The following SPO11 variants were observed in gnomAD, a reference collection of about 807,000 sequenced individuals.
The protein encoded by SPO11 is meiotic recombination protein SPO11.
SPO11 carries 49 observed loss-of-function variants against 51.6 expected under a neutral mutation model. That is an observed-to-expected ratio of 0.95 (90% CI 0.75 to 1.20). SPO11 has a LOEUF of 1.20. Ranked by LOEUF, SPO11 falls within the 50% of genes most tolerant of loss-of-function variation. The pLI is 0.00. For missense variants in SPO11, 431 were observed against 473.4 expected (o/e 0.91, Z 0.83); for synonymous variants, 176 against 158.2 (o/e 1.11, Z -0.84).
intron 1 of SPO11, 65 bp downstream of exon 1, chr20:57,330,063 C>T: frequency 6.7e-7 from 1 of 1,490,674 alleles, no homozygotes; most frequent in Non-Finnish European, 8.9e-7. Flanking sequence ...CTCTTCCTGG[C>T]CCCGGGCTGC....
intron 11 of SPO11, 24 bp from the exon 12 acceptor site, chr20:57,342,704 AT>A (rs776273934): frequency 2.7e-6 from 4 of 1,490,732 alleles, no homozygotes; most frequent in African/African-American, 2.8e-5. Context: ...TTTTTTACTG[AT>A]TTTTTTCACC....
At position 57,329,852 on chromosome 20, in the gene SPO11, GC is replaced by G. The variant is rs777662976; in HGVS notation, c.-15del. The G allele has an allele frequency of 2.1e-5, 34 of 1,605,664 alleles. No homozygotes were observed. In the South Asian group the frequency reaches 3.7e-4, roughly 18 times the overall value. On this transcript the variant is annotated 5_prime_UTR_variant, in exon 1 of 13. Coordinates refer to ENST00000371263, the MANE Select transcript of SPO11 (RefSeq NM_012444.3). ...AGGACAGGGGCTTCTGGAGCTTCTG[GC>G]AGCCGTCTGCCCTCATGGCCTTTGC... is the stretch of plus-strand genomic sequence containing the variant.
intron 1 of SPO11, 104 bp downstream of exon 1, chr20:57,330,102 C>T: frequency 1.4e-6 from 2 of 1,407,274 alleles, no homozygotes; most frequent in Non-Finnish European, 1.9e-6. Context: ...AGGAGGCACC[C>T]CTTGGCGGGC....
intron 11 of SPO11, among the ~76,000 whole-genome samples, chr20:57,342,188 TAA>T (rs781775114): frequency 6.8e-6 from 1 of 147,524 alleles, no homozygotes; most frequent in Non-Finnish European, 1.5e-5. Context: ...TGTAAAGTGA[TAA>T]AAGTGTGTGT....
intron 7 of SPO11, 109 bp from the exon 8 acceptor site, chr20:57,335,689 A>C: frequency 5.4e-6 from 4 of 736,116 alleles, no homozygotes; most frequent in South Asian, 3.7e-5. Flanking sequence ...GGTACAAACT[A>C]AAATGTTGTA....
intron 10 of SPO11, 66 bp from the exon 11 acceptor site, chr20:57,340,036 G>GA (rs1209710518): frequency 2.6e-5 from 30 of 1,137,502 alleles, no homozygotes; most frequent in Non-Finnish European, 4.0e-5. Flanking sequence ...AAATTTGACT[G>GA]AAAAACAAGA....
rs764206819 is a variant in SPO11, at chr20:57,339,041, G to A, written c.882+15G>A. The stretch of plus-strand genomic sequence containing the variant: ...ATGGATCTATGGTAAGTATAGAAAA[G>A]CAGTTTTCCTTTTTTATTATTTAGA... On this transcript the variant is annotated intron_variant, in intron 10 of 12. Transcript: ENST00000371263. 7.0e-7 allele frequency: 1 copy of A among 1,436,624 alleles called. No individual in the cohort carries two copies. Among genetic ancestry groups the A allele is most frequent in the East Asian group, 2.4e-5 (1 of 41,390 alleles). The allele number at this position is 1,436,624 out of a possible 1,614,324, so 89.0% of individuals were successfully genotyped here.
Position 57,330,016 on chromosome 20 carries a change from G to C in SPO11, c.131+18G>C. 1 of 1,565,846 alleles carries C rather than the reference G, an allele frequency of 6.4e-7. No homozygotes were observed. Among genetic ancestry groups the C allele is most frequent in the East Asian group, 2.3e-5 (1 of 42,908 alleles). ...GCCTCCAGGTACAGGAGCTGGTGCC[G>C]AGGCGCGACGCAGCCACTCTGTAGA... On this transcript the variant is annotated intron_variant, in intron 1 of 12. Transcript: ENST00000371263.
intron 10 of SPO11, among the ~76,000 whole-genome samples, chr20:57,339,891 A>G (rs976581854): frequency 3.3e-5 from 5 of 152,172 alleles, no homozygotes; most frequent in Admixed American, 3.3e-4. Flanking sequence ...AGCATGAGCC[A>G]CCGCACTTAA....
intron 11 of SPO11, 147 bp from the exon 12 acceptor site, chr20:57,342,582 C>T: frequency 5.1e-6 from 3 of 588,084 alleles, no homozygotes; most frequent in South Asian, 2.3e-5. Context: ...TGACAGATCC[C>T]TTCAATCCTG....
chr20:57,332,155 TAGCACCAACAGAATGG>T (rs1236504392), intron 2 of SPO11, among the ~76,000 whole-genome samples: 1 of 152,190 alleles, frequency 6.6e-6, no homozygotes, highest in Non-Finnish European at 1.5e-5. Context: ...AAAACAATGC[TAGCACCAACAGAATGG>T]AGCACCAGAA....
intron 8 of SPO11, 112 bp downstream of exon 8, chr20:57,336,019 C>G (rs1490855472): frequency 1.6e-6 from 1 of 609,806 alleles, no homozygotes; most frequent in Admixed American, 3.4e-5. Flanking sequence ...TATAATGCAT[C>G]CTTTGGGATC....
At chr20:57,332,025 T>C (rs2066456374) in intron 2 of SPO11, 79 bp downstream of exon 2, 1 of 892,858 alleles carries the variant, frequency 1.1e-6, no homozygotes, top group African/African-American at 1.7e-5. Context: ...GTTCTGGTCA[T>C]ATTTTTTTCA....
chr20:57,338,364 C>A lies in SPO11; in HGVS notation c.833C>A (p.Ala278Asp). 1 of 1,604,806 alleles carries A rather than the reference C, an allele frequency of 6.2e-7. No individual in the cohort carries two copies. Among genetic ancestry groups the A allele is most frequent in the South Asian group, 1.1e-5 (1 of 90,816 alleles). The change falls in exon 9 of 13, where the codon GCT becomes GAT. Residue 278 changes from alanine (A) to aspartate (D), a missense_variant. Ala to Asp is a moderately radical substitution (Grantham distance 126). Coordinates refer to ENST00000371263, the MANE Select transcript of SPO11 (RefSeq NM_012444.3). The stretch of plus-strand genomic sequence containing the variant: ...GTTCCTGTTTTCACTCTTGTAGATG[C>A]TGATCCACATGGTAATTTATCACTG... ...FHVPVFTLVDADPHGIEIMCI... is the reference protein window; with the variant it reads ...FHVPVFTLVDDDPHGIEIMCI...
chr20:57,331,997 A>T, intron 2 of SPO11, 51 bp downstream of exon 2: 1 of 1,104,536 alleles, frequency 9.1e-7, no homozygotes, highest in Non-Finnish European at 1.3e-6. Flanking sequence ...TGTCATTATT[A>T]AAATTATTTG....
At chr20:57,335,354 T>A in intron 6 of SPO11, 65 bp from the exon 7 acceptor site, 3 of 1,346,042 alleles carry the variant, frequency 2.2e-6, no homozygotes, top group Non-Finnish European at 3.1e-6. Flanking sequence ...ACAGAGGGCT[T>A]TGTGATAAAC....
intron 10 of SPO11, 49 bp from the exon 11 acceptor site, chr20:57,340,053 G>T: frequency 7.7e-7 from 1 of 1,294,468 alleles, no homozygotes; most frequent in Admixed American, 1.7e-5. Context: ...AAGAATGCTA[G>T]TTTTCTACAA....
chr20:57,333,537 G>A (rs2146081999), intron 3 of SPO11, 150 bp from the exon 4 acceptor site: 1 of 632,806 alleles, frequency 1.6e-6, no homozygotes, highest in Non-Finnish European at 2.8e-6. Flanking sequence ...AACTGATTCT[G>A]CAGGTAATTG....
chr20:57,334,684 G>A, intron 5 of SPO11, 66 bp from the exon 6 acceptor site: 1 of 1,271,508 alleles, frequency 7.9e-7, no homozygotes, highest in Admixed American at 1.9e-5. Flanking sequence ...TGAACACAAG[G>A]AGTGACTTAA....
Sources: gnomAD v4.1 joint callset for allele counts (sites outside exome capture counted in the v4.1 genomes callset) on GRCh38, gnomAD v4.1.1 for gene constraint, MANE v1.5 for transcripts, NCBI Gene and HGNC (gene_info 2026-07-23, HGNC 2026-07-21) for gene names.